The following BBS2 variants were observed in gnomAD, a reference collection of about 807,000 sequenced individuals.
BBS2 encodes Bardet-Biedl syndrome 2.
In BBS2, 62 loss-of-function variants were observed where a neutral mutation model predicts 83.0. The observed-to-expected ratio is 0.75, with a 90% CI of 0.61 to 0.92. BBS2 has a LOEUF of 0.92. BBS2 is among the 40% of genes least tolerant of loss of function. BBS2 has a pLI of 0.00. For missense variants in BBS2, 784 were observed against 901.0 expected (o/e 0.87, Z 1.66); for synonymous variants, 303 against 326.1 (o/e 0.93, Z 0.76).
rs759205781 is a variant in BBS2 at position 56,511,299 on chromosome 16, A to C, written c.346-15T>G. 2 of 1,613,598 alleles carry C rather than the reference A, an allele frequency of 1.2e-6. No homozygotes were observed. The highest frequency in any genetic ancestry group is 2.2e-5 in the South Asian group (2 of 91,080). ...CCATCTGCTACCTAAGAAAAGTAAA[A>C]GGACACATTATCTTAGACACGATAA... On this transcript the variant is annotated splice_polypyrimidine_tract_variant and intron_variant, in intron 2 of 16. Coordinates refer to ENST00000245157, the MANE Select transcript of BBS2 (RefSeq NM_031885.5).
intron 15 of BBS2, among the ~76,000 whole-genome samples, chr16:56,488,780 G>A (rs991558168): frequency 6.6e-6 from 1 of 151,610 alleles, no homozygotes; most frequent in East Asian, 1.9e-4. Context: ...TGCCTTGGTC[G>A]TTCTGGTGAC....
At chr16:56,502,255 C>A in intron 9 of BBS2, 62 bp downstream of exon 9, 1 of 1,609,202 alleles carries the variant, frequency 6.2e-7, no homozygotes, top group Admixed American at 1.7e-5. Context: ...ATTTGCTGAT[C>A]CTCCCGGTCA....
rs576682899 is a variant in BBS2, at chr16:56,485,216, T to G, written c.2060-349A>C. On this transcript the variant is annotated intron_variant, in intron 16 of 16. Coordinates refer to ENST00000245157, the MANE Select transcript of BBS2 (RefSeq NM_031885.5). ...CTGCTTCCTTGGGTTTATCCTATTG[T>G]TCTTTTCTAAATTTTTAAGTTAGAC... Among the ~76,000 whole-genome samples the G allele has an allele frequency of 2.2e-4, 34 of 152,332 alleles. 1 individual carries two copies. The South Asian group carries it at 4.8e-3, about 21-fold the overall frequency.
intron 17 of BBS2, chr16:56,476,200 G>A: frequency 1.2e-6 from 2 of 1,610,928 alleles, no homozygotes; most frequent in Non-Finnish European, 1.7e-6. Flanking sequence ...CATCTATTAT[G>A]AATGACAGCA....
intron 17 of BBS2, chr16:56,478,467 A>G (rs1963573720): frequency 1.3e-5 from 2 of 152,196 alleles, no homozygotes; most frequent in African/African-American, 4.8e-5. Context: ...TGCCTTTTCT[A>G]TATTCCAGCT....
downstream of BBS2, among the ~76,000 whole-genome samples, chr16:56,482,208 T>C (rs1963673672): frequency 1.3e-5 from 2 of 152,160 alleles, no homozygotes; most frequent in Non-Finnish European, 2.9e-5. Flanking sequence ...TCTCAAATGG[T>C]ATAAATTAGA....
chr16:56,478,998 G>A (rs1258282339), intron 17 of BBS2: 1 of 152,100 alleles, frequency 6.6e-6, no homozygotes, highest in Non-Finnish European at 1.5e-5. Flanking sequence ...TGCTTTTTAG[G>A]GCCTGGGGCC....
At position 56,498,662 on chromosome 16, in the gene BBS2, TGAGGGAAGAGTTC is replaced by T. The variant is rs765953384; in HGVS notation, c.1528-107_1528-95del. On this transcript the variant is annotated intron_variant, in intron 12 of 16. Coordinates refer to ENST00000245157, the MANE Select transcript of BBS2 (RefSeq NM_031885.5). ...CTAGATATGAAGGTACAGCCATTCT[TGAGGGAAGAGTTC>T]TCCTTCTTTCTAGTTTTACTGCTTT... The T allele has an allele frequency of 2.6e-5, 42 of 1,598,088 alleles. No homozygotes were observed. In the East Asian group the frequency reaches 9.5e-4, roughly 36 times the overall value.
chr16:56,496,137 T>C (rs1964110830), intron 15 of BBS2, among the ~76,000 whole-genome samples: 1 of 152,214 alleles, frequency 6.6e-6, no homozygotes, highest in African/African-American at 2.4e-5. Context: ...GAGTGAACTC[T>C]TGCCCCTAAT....
chr16:56,477,458 A>G (rs1963534925), intron 17 of BBS2: 4 of 152,306 alleles, frequency 2.6e-5, no homozygotes, highest in Admixed American at 2.0e-4. Context: ...TCCATCCTGC[A>G]ATTGTGGCCT....
Position 56,498,481 on chromosome 16 carries a change from G to A in BBS2, c.1615C>T (p.Arg539Trp), listed in dbSNP as rs1175381219. ...APFQVCFTSL[R>W]NGGHLHIKIK... is the part of the protein sequence containing the mutation. ...TTTATATGCAGGTGGCCGCCATTCC[G>A]TAAAGATGTGAAACACACTTGAAAT... Residue 539 changes from arginine to tryptophan, a missense_variant, in exon 13 of 17, where the codon CGG (arginine) becomes TGG (tryptophan). Coordinates refer to ENST00000245157, the MANE Select transcript of BBS2 (RefSeq NM_031885.5). 19 of 1,613,810 alleles carry A rather than the reference G, an allele frequency of 1.2e-5. No homozygotes were observed. The African/African-American group carries it at 1.2e-4, about 10-fold the overall frequency.
chr16:56,508,432 T>C (rs1006919245), intron 5 of BBS2, among the ~76,000 whole-genome samples: 6 of 152,216 alleles, frequency 3.9e-5, no homozygotes, highest in African/African-American at 1.4e-4. Context: ...TCTGTCCACT[T>C]ACAACGTTCA....
intron 15 of BBS2, among the ~76,000 whole-genome samples, chr16:56,493,806 T>C (rs1251586302): frequency 6.6e-6 from 1 of 152,216 alleles, no homozygotes; most frequent in African/African-American, 2.4e-5. Flanking sequence ...CCTGCTGGGA[T>C]ATGCCCTAAA....
Position 56,497,880 on chromosome 16 carries a change from T to C in BBS2, c.1660A>G (p.Ile554Val). The part of the protein sequence containing the change: ...LHIKIKLSGE[I>V]TINTDDIDLA... ...TCAATATCATCAGTATTTATAGTGATCTACCCAGAGAAAAAATAGACAAGT... is the reference window on the plus strand; with the variant it reads ...TCAATATCATCAGTATTTATAGTGACCTACCCAGAGAAAAAATAGACAAGT... Residue 554 changes from isoleucine (I) to valine (V), a missense_variant and splice_region_variant, in exon 14 of 17, where the codon ATC (isoleucine) becomes GTC (valine). Coordinates refer to ENST00000245157, the MANE Select transcript of BBS2 (RefSeq NM_031885.5). 7 of 1,609,552 alleles carry C rather than the reference T, an allele frequency of 4.3e-6. No homozygotes were observed. Among genetic ancestry groups the C allele is most frequent in the Non-Finnish European group, 5.9e-6 (7 of 1,179,772 alleles).
chr16:56,519,690 G>A (rs2144213817), intron 1 of BBS2, 56 bp downstream of exon 1: 1 of 1,428,748 alleles, frequency 7.0e-7, no homozygotes, highest in East Asian at 2.3e-5. Flanking sequence ...GGGCGCGGCC[G>A]GCGGAGATCC....
At chr16:56,495,203 T>TTGAA (rs1964083410) in intron 15 of BBS2, among the ~76,000 whole-genome samples, 1 of 152,084 alleles carries the variant, frequency 6.6e-6, no homozygotes, top group Admixed American at 6.6e-5. Flanking sequence ...TTCATAGAAG[T>TTGAA]ATTTCAACTA....
chr16:56,499,499 G>A (rs576931555), intron 12 of BBS2: 87 of 389,494 alleles, frequency 2.2e-4, no homozygotes, highest in African/African-American at 1.6e-3. Context: ...TACTACACCA[G>A]GACAACCACA....
intron 17 of BBS2, chr16:56,475,547 C>T (rs749126734): frequency 1.2e-6 from 2 of 1,613,740 alleles, no homozygotes; most frequent in African/African-American, 2.7e-5. Flanking sequence ...CTTACATTGC[C>T]AAAGGTGAAG....
chr16:56,501,470 C>T lies in BBS2; in HGVS notation c.1108G>A (p.Ala370Thr), dbSNP rs1597015825. The change falls in exon 10 of 17, where the codon GCT (alanine) becomes ACT (threonine). Residue 370 changes from alanine (A) to threonine (T), a missense_variant. Transcript: ENST00000245157. ...GGGATTATGCCCCGATGCCCATCAG[C>T]CTCGTTCAGTGGACTGGCCAATTCA... ...KAELASPLNE[A>T]DGHRGIIPAN... is the part of the protein sequence containing the mutation. 1 of 1,614,092 alleles carries T rather than the reference C, an allele frequency of 6.2e-7. No homozygotes were observed. The highest frequency in any genetic ancestry group is 8.5e-7 in the Non-Finnish European group (1 of 1,180,002).
Sources: allele counts gnomAD v4.1 joint callset (sites outside exome capture counted in the v4.1 genomes callset), GRCh38; gene constraint gnomAD v4.1.1; transcripts MANE v1.5; gene names NCBI Gene and HGNC (gene_info 2026-07-23, HGNC 2026-07-21).